LRPPRC: variants seen among roughly 807,000 people sequenced by gnomAD.
LRPPRC encodes leucine-rich PPR motif-containing protein, mitochondrial.
LRPPRC carries 120 observed loss-of-function variants against 180.3 expected under a neutral mutation model. The observed-to-expected ratio is 0.67, with a 90% confidence interval of 0.57 to 0.77. The LOEUF (loss-of-function observed/expected upper bound fraction) is 0.77. LRPPRC is among the 30% of genes least tolerant of loss of function. The pLI is 0.00. For missense variants in LRPPRC, 2,012 were observed against 1,657.2 expected (o/e 1.21, Z -3.72); for synonymous variants, 723 against 600.0 (o/e 1.21, Z -3.00).
Position 43,934,789 on chromosome 2 carries a change from A to T in LRPPRC, c.2594T>A (p.Leu865Gln). Reference protein sequence around the residue: ...LPRIHDVLCKLVEKGETDLIQ... With the variant: ...LPRIHDVLCKQVEKGETDLIQ... The stretch of plus-strand genomic sequence containing the variant: ...TAGATCAGTCTCGCCTTTCTCTACC[A>T]GTTTACACAAGACATCATGAATCCT... The change falls in exon 24 of 38, where the codon CTG (leucine) becomes CAG (glutamine). Residue 865 changes from leucine to glutamine, a missense_variant. By Grantham distance (113) the Leu-to-Gln change is moderately radical. Coordinates refer to ENST00000260665, the MANE Select transcript of LRPPRC (RefSeq NM_133259.4). 1 of 1,612,162 alleles carries T rather than the reference A, an allele frequency of 6.2e-7. No individual in the cohort carries two copies. The highest frequency in any genetic ancestry group is 2.2e-5 in the East Asian group (1 of 44,818).
At chr2:43,923,408 C>T (rs929109247) in intron 27 of LRPPRC, among the ~76,000 whole-genome samples, 10 of 152,142 alleles carry the variant, frequency 6.6e-5, no homozygotes, top group African/African-American at 2.4e-4. Flanking sequence ...GGGAGGATTT[C>T]TTGAGCCCAG....
In LRPPRC at chr2:43,979,983, T is replaced by C. The variant is rs192892514; in HGVS notation, c.347-35A>G. ...AAAGGTTAATGGATAACATTTAACA[T>C]AGCAGCAATATCACATAGATAAATA... On this transcript the variant is annotated intron_variant, in intron 2 of 37. Coordinates refer to ENST00000260665, the MANE Select transcript of LRPPRC (RefSeq NM_133259.4). 2.4e-4 allele frequency: 378 copies of C among 1,599,660 alleles called. 1 individual carries two copies. The highest frequency in any genetic ancestry group is 9.5e-5 in the Non-Finnish European group (111 of 1,167,368).
intron 34 of LRPPRC, 113 bp from the exon 35 acceptor site, chr2:43,896,821 T>G: frequency 1.4e-6 from 1 of 725,732 alleles, no homozygotes; most frequent in Non-Finnish European, 2.5e-6. Flanking sequence ...TTATTACCAA[T>G]AGGAAGGCCT....
chr2:43,908,895 T>C (rs1398960232), intron 30 of LRPPRC, among the ~76,000 whole-genome samples: 1 of 152,184 alleles, frequency 6.6e-6, no homozygotes, highest in East Asian at 1.9e-4. Context: ...AAAACAGCTA[T>C]TTATGGATCC....
chr2:43,969,175 G>A (rs1358841961), intron 11 of LRPPRC, among the ~76,000 whole-genome samples: 7 of 152,190 alleles, frequency 4.6e-5, no homozygotes, highest in African/African-American at 1.7e-4. Flanking sequence ...CACTTTGGGA[G>A]GCCGAGGCGG....
At chr2:43,935,119 T>C (rs1672230541) in intron 23 of LRPPRC, among the ~76,000 whole-genome samples, 1 of 152,228 alleles carries the variant, frequency 6.6e-6, no homozygotes. Context: ...TTTTATTATT[T>C]CGTGTGTTAA....
At chr2:43,985,480 T>G (rs186538539) in intron 1 of LRPPRC, among the ~76,000 whole-genome samples, 11 of 152,310 alleles carry the variant, frequency 7.2e-5, no homozygotes, top group Admixed American at 7.2e-4. Flanking sequence ...CCATGCTCTA[T>G]CTCCTCATTC....
chr2:43,990,681 G>A (rs888709495), intron 1 of LRPPRC, among the ~76,000 whole-genome samples: 5 of 152,076 alleles, frequency 3.3e-5, no homozygotes, highest in African/African-American at 1.2e-4. Flanking sequence ...AAATGGCACT[G>A]CTCCTCTCTC....
At chr2:43,976,930 A>G (rs1451559667) in intron 5 of LRPPRC, 64 bp downstream of exon 5, 55 of 1,321,482 alleles carry the variant, frequency 4.2e-5, no homozygotes, top group Non-Finnish European at 1.2e-5. Flanking sequence ...CAAAGAGTGA[A>G]CAGACATTAG....
intron 27 of LRPPRC, among the ~76,000 whole-genome samples, chr2:43,920,607 T>C (rs535429610): frequency 3.9e-4 from 60 of 152,240 alleles, no homozygotes; most frequent in African/African-American, 1.4e-3. Flanking sequence ...AATTACGCTT[T>C]TTCTTCATTA....
At chr2:43,993,050 C>A (rs538377366) in intron 1 of LRPPRC, among the ~76,000 whole-genome samples, 7 of 152,214 alleles carry the variant, frequency 4.6e-5, no homozygotes, top group Non-Finnish European at 7.4e-5. Context: ...GCAAATGAGA[C>A]AAATCCTAAA....
chr2:43,889,972 A>C, intron 36 of LRPPRC, 96 bp from the exon 37 acceptor site: 1 of 833,902 alleles, frequency 1.2e-6, no homozygotes, highest in Non-Finnish European at 2.1e-6. Flanking sequence ...GGATCCCTTT[A>C]TCCCACGGCA....
intron 3 of LRPPRC, 26 bp downstream of exon 3, chr2:43,979,800 C>T (rs776465803): frequency 3.1e-6 from 5 of 1,607,410 alleles, no homozygotes; most frequent in South Asian, 1.1e-5. Context: ...ACCTTTTATA[C>T]ACATCATATA....
Position 43,912,692 on chromosome 2 carries a change from T to A in LRPPRC, c.3149-134A>T, listed in dbSNP as rs979681962. ...ATACCAACCCACTGTTACCACTCTA[T>A]AGAGAGACACACTGACATAATTCTT... is the stretch of plus-strand genomic sequence containing the variant. On this transcript the variant is annotated intron_variant, in intron 29 of 37. Coordinates refer to ENST00000260665, the MANE Select transcript of LRPPRC (RefSeq NM_133259.4). 7.6e-6 allele frequency: 5 copies of A among 658,316 alleles called. No homozygotes were observed. The Admixed American group carries it at 1.2e-4, about 16-fold the overall frequency. The allele number at this position is 658,316 out of a possible 1,614,324, so 40.8% of individuals were successfully genotyped here.
chr2:43,953,803 A>G (rs934947897), intron 14 of LRPPRC, among the ~76,000 whole-genome samples: 6 of 152,216 alleles, frequency 3.9e-5, no homozygotes, highest in African/African-American at 1.4e-4. Context: ...AAAACAAAAC[A>G]AAGACACCAA....
chr2:43,925,487 T>C (rs1276838001), intron 26 of LRPPRC, among the ~76,000 whole-genome samples: 3 of 152,176 alleles, frequency 2.0e-5, no homozygotes, highest in African/African-American at 7.2e-5. Context: ...ACAAAAATAC[T>C]TCCCCCTCCA....
At position 43,948,298 on chromosome 2, in the gene LRPPRC, A is replaced by G; in HGVS notation, c.1843-99T>C. ...TATCTCAGACATAATTTAAGTCTCC[A>G]ACTCTTGCATGTCATTGAGAAGTGG... On this transcript the variant is annotated intron_variant, in intron 17 of 37. Coordinates refer to ENST00000260665, the MANE Select transcript of LRPPRC (RefSeq NM_133259.4). The G allele has an allele frequency of 3.2e-6, 3 of 932,022 alleles. No individual in the cohort carries two copies. The Admixed American group carries it at 5.1e-5, about 16-fold the overall frequency. 57.7% of individuals were successfully genotyped at this position (932,022 alleles called of 1,614,324 possible).
Position 43,912,417 on chromosome 2 carries a change from T to G in LRPPRC, c.3275+15A>C. ...TTTTTTAAACAAGAGGTTTAATAAA[T>G]GGACTAACACTTACAATGCTTTCAC... On this transcript the variant is annotated intron_variant, in intron 30 of 37. Coordinates refer to ENST00000260665, the MANE Select transcript of LRPPRC (RefSeq NM_133259.4). 6.2e-7 allele frequency: 1 copy of G among 1,606,770 alleles called. No homozygotes were observed. The highest frequency in any genetic ancestry group is 8.5e-7 in the Non-Finnish European group (1 of 1,173,808).
At chr2:43,959,411 GTA>G (rs2103657041) in intron 13 of LRPPRC, among the ~76,000 whole-genome samples, 1 of 152,184 alleles carries the variant, frequency 6.6e-6, no homozygotes, top group South Asian at 2.1e-4. Context: ...AACCTGGTTG[GTA>G]TAAAGGTTCC....
Sources: allele counts gnomAD v4.1 joint callset (sites outside exome capture counted in the v4.1 genomes callset), GRCh38; gene constraint gnomAD v4.1.1; transcripts MANE v1.5; gene names NCBI Gene and HGNC (gene_info 2026-07-23, HGNC 2026-07-21).